The following SFMBT2 variants were observed in gnomAD, a reference collection of about 807,000 sequenced individuals.
SFMBT2 encodes Scm like with four mbt domains 2.
SFMBT2 carries 38 observed loss-of-function variants against 110.1 expected under a neutral mutation model. The observed-to-expected ratio is 0.35, with a 90% CI of 0.27 to 0.45. The LOEUF is 0.45. SFMBT2 is among the 20% of genes least tolerant of loss of function. The pLI is 1.00. For synonymous variants in SFMBT2, 425 were observed against 425.4 expected (o/e 1.00, Z 0.01); for missense variants, 1,011 against 1,094.9 (o/e 0.92, Z 1.08).
intron 1 of SFMBT2, among the ~76,000 whole-genome samples, chr10:7,401,919 C>T (rs571778443): frequency 1.3e-5 from 2 of 152,286 alleles, no homozygotes; most frequent in African/African-American, 2.4e-5. Flanking sequence ...ATACCAACTG[C>T]AGGCTATTTA....
intron 1 of SFMBT2, among the ~76,000 whole-genome samples, chr10:7,396,557 T>C (rs922383029): frequency 6.6e-6 from 1 of 152,114 alleles, no homozygotes; most frequent in Non-Finnish European, 1.5e-5. Flanking sequence ...TAAAGATAAG[T>C]CCAGTTCCAA....
intron 1 of SFMBT2, among the ~76,000 whole-genome samples, chr10:7,397,261 C>G (rs1004471478): frequency 2.0e-5 from 3 of 152,144 alleles, no homozygotes; most frequent in Non-Finnish European, 2.9e-5. Context: ...CCAAACTGAT[C>G]TGCCTTCAAG....
intron 1 of SFMBT2, among the ~76,000 whole-genome samples, chr10:7,396,144 A>T (rs899772280): frequency 3.3e-5 from 5 of 152,222 alleles, no homozygotes; most frequent in African/African-American, 9.6e-5. Context: ...CTGGAATTAC[A>T]GGATTCTCAA....
In SFMBT2 at chr10:7,260,619, C is replaced by G. The variant is rs1482983076; in HGVS notation, c.871-11970G>C. Among the ~76,000 whole-genome samples, 3 of 152,152 alleles carry G rather than the reference C, an allele frequency of 2.0e-5. No homozygotes were observed. In the East Asian group the frequency reaches 5.8e-4, roughly 29 times the overall value. On this transcript the variant is annotated intron_variant, in intron 7 of 20. Transcript: ENST00000397167. ...AATTGGTCACAAATCTCTCCCTAAG[C>G]CAATCACTGACAAGAAAAATGGGGC...
rs1327460154 is a variant in SFMBT2, at chr10:7,242,984, G to A, written c.1120+574C>T. 2.6e-5 allele frequency among the ~76,000 whole-genome samples: 4 copies of A among 151,930 alleles called. No homozygotes were observed. The East Asian group carries it at 7.7e-4, about 29-fold the overall frequency. ...TACTGCTTTCTTCCTGAATAAACCT[G>A]ACCTATAGAGGACAACAAACCACAC... On this transcript the variant is annotated intron_variant, in intron 9 of 20. Coordinates refer to ENST00000397167, the MANE Select transcript of SFMBT2 (RefSeq NM_001387889.1).
chr10:7,163,937 G>C lies in SFMBT2; in HGVS notation c.2545-27C>G. On this transcript the variant is annotated intron_variant, in intron 20 of 20. Coordinates refer to ENST00000397167, the MANE Select transcript of SFMBT2 (RefSeq NM_001387889.1). This position sits in a 1 kb window ranked among gnomAD's most constrained non-coding sequence, Gnocchi z 4.8. ...TGCAGGAAAAGAAAGGCAGGTTAGAGAAGGGGCAGTGTGCACTGGGGTACA... is the reference window on the plus strand; with the variant it reads ...TGCAGGAAAAGAAAGGCAGGTTAGACAAGGGGCAGTGTGCACTGGGGTACA... 1 of 1,607,670 alleles carries C rather than the reference G, an allele frequency of 6.2e-7. No individual in the cohort carries two copies. Among genetic ancestry groups the C allele is most frequent in the Non-Finnish European group, 8.5e-7 (1 of 1,176,602 alleles).
At chr10:7,378,591 T>C (rs1166632233) in intron 2 of SFMBT2, among the ~76,000 whole-genome samples, 1 of 129,808 alleles carries the variant, frequency 7.7e-6, no homozygotes, top group African/African-American at 3.0e-5. Flanking sequence ...TGTGTGTGTA[T>C]GGCTGTGGGG....
At chr10:7,236,996 G>T (rs1396570470) in intron 9 of SFMBT2, among the ~76,000 whole-genome samples, 2 of 152,158 alleles carry the variant, frequency 1.3e-5, no homozygotes. Context: ...TAGTGATCAG[G>T]ACCACCTCAC....
intron 11 of SFMBT2, chr10:7,206,556 T>G (rs1345608132): frequency 1.0e-6 from 1 of 985,348 alleles, no homozygotes; most frequent in African/African-American, 1.7e-5. Flanking sequence ...CCTGTAGACT[T>G]TGGCTATGTC....
At chr10:7,339,649 G>T (rs375497032) in intron 4 of SFMBT2, among the ~76,000 whole-genome samples, 1 of 152,126 alleles carries the variant, frequency 6.6e-6, no homozygotes, top group African/African-American at 2.4e-5. Flanking sequence ...AAAGGCATCC[G>T]CTGACAGATT....
chr10:7,183,852 T>C (rs1337487642), intron 16 of SFMBT2, among the ~76,000 whole-genome samples: 4 of 152,206 alleles, frequency 2.6e-5, no homozygotes, highest in Non-Finnish European at 5.9e-5. Context: ...CCGTACTGAG[T>C]TGGATACAGA....
At position 7,329,167 on chromosome 10, in the gene SFMBT2, G is replaced by A. The variant is rs766963268; in HGVS notation, c.436+38482C>T. ...CAGTACAATCTCAGTAGCATTTCACGGACTAAGAAATGTCATGGCTGAGGC... is the reference window on the plus strand; with the variant it reads ...CAGTACAATCTCAGTAGCATTTCACAGACTAAGAAATGTCATGGCTGAGGC... On this transcript the variant is annotated intron_variant, in intron 4 of 20. Coordinates refer to ENST00000397167, the MANE Select transcript of SFMBT2 (RefSeq NM_001387889.1). 6.6e-5 allele frequency among the ~76,000 whole-genome samples: 10 copies of A among 152,270 alleles called. 1 individual carries two copies. The highest frequency in any genetic ancestry group is 2.1e-4 in the South Asian group (1 of 4,814).
At chr10:7,200,552 C>CT in intron 13 of SFMBT2, 68 bp from the exon 14 acceptor site, 1 of 1,319,750 alleles carries the variant, frequency 7.6e-7, no homozygotes, top group South Asian at 1.5e-5. Context: ...ATTCCAAAGT[C>CT]TTACCATAAT....
chr10:7,207,055 A>C, intron 11 of SFMBT2: 4 of 282,556 alleles, frequency 1.4e-5, no homozygotes, highest in Non-Finnish European at 2.1e-5. Context: ...GCAAGACCTC[A>C]TCTCTACAAA....
chr10:7,211,607 T>C (rs1032785344), intron 11 of SFMBT2, among the ~76,000 whole-genome samples: 48 of 152,278 alleles, frequency 3.2e-4, no homozygotes, highest in African/African-American at 1.1e-3. Flanking sequence ...AGACAGCTCC[T>C]GTGGGTCACC....
intron 4 of SFMBT2, among the ~76,000 whole-genome samples, chr10:7,310,715 A>T (rs1842826984): frequency 6.6e-6 from 1 of 152,208 alleles, no homozygotes; most frequent in Non-Finnish European, 1.5e-5. Flanking sequence ...CCATAGAGGA[A>T]ACAGGCAGGT....
rs533420590 is a variant in SFMBT2, at chr10:7,289,227, A to G, written c.437-3273T>C. On this transcript the variant is annotated intron_variant, in intron 4 of 20. Transcript: ENST00000397167. ...AAATATGCATTTCCTATCCCATTAC[A>G]AAAGAAGAACAATTATTATAATCCA... Among the ~76,000 whole-genome samples, 54 of 152,340 alleles carry G rather than the reference A, an allele frequency of 3.5e-4. 1 individual carries two copies. In the South Asian group the frequency reaches 0.011, roughly 30 times the overall value.
chr10:7,284,647 T>C (rs571834015), intron 5 of SFMBT2: 279 of 251,852 alleles, frequency 1.1e-3, no homozygotes, highest in East Asian at 5.2e-4. Context: ...TCTCATACTT[T>C]GATTATGTGA....
chr10:7,399,157 C>A (rs1846004005), intron 1 of SFMBT2, among the ~76,000 whole-genome samples: 1 of 152,220 alleles, frequency 6.6e-6, no homozygotes, highest in Non-Finnish European at 1.5e-5. Context: ...TGGAGCCCTG[C>A]ACTCCTGCAT....
Sources: gnomAD v4.1 joint callset for allele counts (sites outside exome capture counted in the v4.1 genomes callset) on GRCh38, gnomAD v4.1.1 for gene constraint, Gnocchi (gnomAD v3.1) non-coding constraint, MANE v1.5 for transcripts, NCBI Gene and HGNC (gene_info 2026-07-23, HGNC 2026-07-21) for gene names.